Variants in SYDE2 observed in about 807,000 individuals in gnomAD.
SYDE2 encodes synapse defective Rho GTPase homolog 2.
SYDE2 carries 76 observed loss-of-function variants against 91.5 expected under a neutral mutation model. The ratio of observed to expected loss-of-function variants is 0.83; its 90% confidence interval spans 0.69 to 1.01. SYDE2 has a LOEUF of 1.01. Ranked by LOEUF, SYDE2 falls within the 50% of genes least tolerant of loss-of-function variation. SYDE2 has a pLI of 0.00. For missense variants in SYDE2, 1,364 were observed against 1,367.7 expected, an observed-to-expected ratio of 1.00 and a Z score of 0.04; for synonymous variants, 513 against 506.4, an observed-to-expected ratio of 1.01 and a Z score of -0.18.
At chr1:85,167,552 G>A (rs1234677252) in intron 5 of SYDE2, among the ~76,000 whole-genome samples, 2 of 152,142 alleles carry the variant, frequency 1.3e-5, no homozygotes, top group African/African-American at 4.8e-5. Context: ...CTGGGCTCAA[G>A]CCATCCTTTT....
At chr1:85,164,217 T>C (rs1428297138) in intron 6 of SYDE2, among the ~76,000 whole-genome samples, 1 of 152,170 alleles carries the variant, frequency 6.6e-6, no homozygotes, top group African/African-American at 2.4e-5. Flanking sequence ...TGACAAAAGA[T>C]GATACAAGGC....
At chr1:85,171,577 T>C (rs1657507801) in intron 4 of SYDE2, among the ~76,000 whole-genome samples, 1 of 152,050 alleles carries the variant, frequency 6.6e-6, no homozygotes, top group Non-Finnish European at 1.5e-5. Context: ...TTAAAAAAAA[T>C]TAGATTCTGG....
Position 85,158,829 on chromosome 1 carries a change from T to A in SYDE2, c.3506A>T (p.Asp1169Val), listed in dbSNP as rs199599943. The change falls in exon 7 of 7, where the codon GAT becomes GTT. Residue 1169 changes from aspartate (D) to valine (V), a missense_variant. Coordinates refer to ENST00000341460, the MANE Select transcript of SYDE2 (RefSeq NM_032184.2). ...CAAAGTATCAATACTTTCTTGTAGA[T>A]CTTTGAGATTGTTTTTTCGATCCAC... ...STVDRKNNLK[D>V]LQESIDTLIG... 272 of 775,546 alleles carry A rather than the reference T, an allele frequency of 3.5e-4. No individual in the cohort carries two copies. The African/African-American group carries it at 4.0e-3, about 11-fold the overall frequency. The allele number at this position is 775,546 out of a possible 1,614,324, so 48.0% of individuals were successfully genotyped here. A position where few individuals can be genotyped will look rare whatever the true frequency, so the allele number is the denominator to read the frequency against.
rs201543525 is a variant in SYDE2, at chr1:85,187,872, G to A, written c.1441+2185C>T. 2.1e-4 allele frequency among the ~76,000 whole-genome samples: 28 copies of A among 130,438 alleles called. No individual in the cohort carries two copies. The East Asian group carries it at 5.4e-3, about 25-fold the overall frequency. The allele number at this position is 130,438 out of a possible 152,430, so 85.6% of individuals were successfully genotyped here. On this transcript the variant is annotated intron_variant, in intron 2 of 6. Transcript: ENST00000341460. Reference sequence around the variant, plus strand: ...CACACTCTGGGGACTGTTGTGGGGTGGGGGAGGGGGGAGGGATAGCATTAG... The same window carrying A: ...CACACTCTGGGGACTGTTGTGGGGTAGGGGAGGGGGGAGGGATAGCATTAG...
At chr1:85,194,977 G>A (rs1177751183) in intron 1 of SYDE2, 4 of 246,992 alleles carry the variant, frequency 1.6e-5, no homozygotes, top group Admixed American at 6.5e-5. Flanking sequence ...TGGCTAACAC[G>A]GTGAAACCCT....
Position 85,200,327 on chromosome 1 carries a change from G to GGCCACA in SYDE2, c.669_670insTGTGGC (p.Ser223_Pro224insCysGly), listed in dbSNP as rs1658767213. On this transcript the variant is annotated inframe_insertion, in exon 1 of 7. Transcript: ENST00000341460. ...CGCACTTTCAAAGCGCCCACATTTG[G>GGCCACA]GGAGGCTGCCTGCGTTCCTGTGACT... is the stretch of plus-strand genomic sequence containing the variant. The GGCCACA allele has an allele frequency of 1.2e-6, 2 of 1,613,884 alleles. No individual in the cohort carries two copies. Among genetic ancestry groups the GGCCACA allele is most frequent in the Middle Eastern group, 1.6e-4 (1 of 6,084 alleles).
downstream of SYDE2, among the ~76,000 whole-genome samples, chr1:85,155,730 C>T (rs1656865757): frequency 6.6e-6 from 1 of 152,068 alleles, no homozygotes; most frequent in African/African-American, 2.4e-5. Flanking sequence ...CATACTTTTG[C>T]ATAGTGTGAC....
intron 1 of SYDE2, among the ~76,000 whole-genome samples, chr1:85,198,504 G>A (rs1456105724): frequency 6.6e-6 from 1 of 152,088 alleles, no homozygotes; most frequent in Non-Finnish European, 1.5e-5. Context: ...TTAAACCAGA[G>A]ATTATGGTAG....
intron 1 of SYDE2, among the ~76,000 whole-genome samples, chr1:85,191,226 A>G (rs184931238): frequency 1.2e-3 from 176 of 152,302 alleles, no homozygotes; most frequent in African/African-American, 4.0e-3. Flanking sequence ...CCTTACTAAT[A>G]TTAAAATGTC....
chr1:85,187,980 G>A (rs1322019395), intron 2 of SYDE2, among the ~76,000 whole-genome samples: 1 of 151,802 alleles, frequency 6.6e-6, no homozygotes, highest in Non-Finnish European at 1.5e-5. Context: ...CCTGTACATT[G>A]TGCACATGTA....
intron 6 of SYDE2, chr1:85,161,279 C>T: frequency 5.5e-6 from 1 of 182,098 alleles, no homozygotes; most frequent in Non-Finnish European, 1.0e-5. Flanking sequence ...CTTATTTAAC[C>T]CAAATACTCT....
Position 85,182,493 on chromosome 1 carries a change from C to T in SYDE2, c.2149G>A (p.Ala717Thr). Reference protein sequence around the residue: ...QVDSVNKARTALLTCRTTFLD... With the variant: ...QVDSVNKARTTLLTCRTTFLD... ...AATGTTGTTCGGCATGTGAGCAAAG[C>T]TGTTCTTGCTTTGTTTACTGAATCT... The change falls in exon 3 of 7, where the codon GCT becomes ACT. Residue 717 changes from alanine to threonine, a missense_variant. Coordinates refer to ENST00000341460, the MANE Select transcript of SYDE2 (RefSeq NM_032184.2). 1.2e-6 allele frequency: 2 copies of T among 1,613,748 alleles called. No individual in the cohort carries two copies. The highest frequency in any genetic ancestry group is 1.7e-6 in the Non-Finnish European group (2 of 1,179,806).
At chr1:85,160,547 C>T (rs1050541748) in intron 6 of SYDE2, 17 of 979,080 alleles carry the variant, frequency 1.7e-5, no homozygotes, top group Non-Finnish European at 2.1e-5. Flanking sequence ...TAGAATGGTC[C>T]ATACCATCAA....
chr1:85,162,716 G>A (rs986926571), intron 6 of SYDE2, among the ~76,000 whole-genome samples: 1 of 152,104 alleles, frequency 6.6e-6, no homozygotes, highest in Admixed American at 6.6e-5. Flanking sequence ...AAACTAAGGT[G>A]GCTACTATTA....
At chr1:85,155,862 ATAG>A (rs1467378549), downstream of SYDE2, among the ~76,000 whole-genome samples, 2 of 152,220 alleles carry the variant, frequency 1.3e-5, no homozygotes, top group Non-Finnish European at 2.9e-5. Context: ...ATATAAACTA[ATAG>A]TATAACTTAA....
chr1:85,192,023 A>T (rs1381648620), intron 1 of SYDE2, among the ~76,000 whole-genome samples: 1 of 150,010 alleles, frequency 6.7e-6, no homozygotes, highest in Non-Finnish European at 1.5e-5. Context: ...TTTCTAAATT[A>T]TGGAATTATA....
downstream of SYDE2, among the ~76,000 whole-genome samples, chr1:85,154,588 GA>G (rs1401366422): frequency 6.7e-6 from 1 of 149,926 alleles, no homozygotes; most frequent in South Asian, 2.1e-4. Context: ...GGAACTCACT[GA>G]AAAAACATGG....
chr1:85,166,362 T>C (rs1430132134), intron 5 of SYDE2, among the ~76,000 whole-genome samples: 2 of 151,940 alleles, frequency 1.3e-5, no homozygotes, highest in African/African-American at 2.4e-5. Flanking sequence ...ATTTTTTTTT[T>C]TTTGTAGAGA....
chr1:85,189,530 A>G (rs1156408751), intron 2 of SYDE2, among the ~76,000 whole-genome samples: 3 of 152,206 alleles, frequency 2.0e-5, no homozygotes, highest in Admixed American at 1.3e-4. Flanking sequence ...ATTAAAGCAC[A>G]CCAGATTATA....
Sources: allele counts gnomAD v4.1 joint callset (sites outside exome capture counted in the v4.1 genomes callset), GRCh38; gene constraint gnomAD v4.1.1; transcripts MANE v1.5; gene names NCBI Gene and HGNC (gene_info 2026-07-23, HGNC 2026-07-21).